ATG4B: variants seen among roughly 807,000 people sequenced by gnomAD.
ATG4B encodes the protein autophagy related 4B cysteine peptidase.
A neutral mutation model predicts 56.6 loss-of-function variants in ATG4B; 29 were observed. The observed-to-expected ratio is 0.51, with a 90% confidence interval of 0.38 to 0.70. The LOEUF (loss-of-function observed/expected upper bound fraction) is 0.70, where lower values mean the gene tolerates loss of function less well. ATG4B is among the 30% of genes least tolerant of loss of function. ATG4B has a pLI of 0.00. For synonymous variants in ATG4B, 224 were observed against 206.1 expected, an observed-to-expected ratio of 1.09 and a Z score of -0.74; for missense variants, 461 against 515.5, an observed-to-expected ratio of 0.89 and a Z score of 1.02.
intron 4 of ATG4B, 37 bp downstream of exon 4, chr2:241,653,647 T>G: frequency 1.3e-6 from 2 of 1,546,512 alleles, no homozygotes; most frequent in South Asian, 2.4e-5. Flanking sequence ...ATGGCCACGG[T>G]GTTCTCAGGA....
In ATG4B at chr2:241,651,234, T is replaced by C; in HGVS notation, c.113-30T>C. The C allele has an allele frequency of 1.3e-6, 2 of 1,575,440 alleles. No individual in the cohort carries two copies. Among genetic ancestry groups the C allele is most frequent in the Non-Finnish European group, 1.7e-6 (2 of 1,157,626 alleles). On this transcript the variant is annotated intron_variant, in intron 2 of 12. Transcript: ENST00000404914. The surrounding 1 kb of genome is among the most constrained non-coding windows in gnomAD (Gnocchi z 4.1). ...TTGCAAACTTAAGGCGTTGTGTGTGTGTGTTTTTTTTCTTTTAAACAACCT... is the reference window on the plus strand; with the variant it reads ...TTGCAAACTTAAGGCGTTGTGTGTGCGTGTTTTTTTTCTTTTAAACAACCT...
chr2:241,668,520 C>G lies in ATG4B; in HGVS notation c.812-20C>G. On this transcript the variant is annotated intron_variant, in intron 9 of 12. Transcript: ENST00000404914. The surrounding 1 kb of genome is among the most constrained non-coding windows in gnomAD (Gnocchi z 4.2). Reference sequence around the variant, plus strand: ...CTGCCGGCTCGGCCACCCACCTGCCCACCTGCCTCATCCTCCCAGGTGAGG... The same window carrying G: ...CTGCCGGCTCGGCCACCCACCTGCCGACCTGCCTCATCCTCCCAGGTGAGG... 2 of 1,604,368 alleles carry G rather than the reference C, an allele frequency of 1.2e-6. No individual in the cohort carries two copies. The highest frequency in any genetic ancestry group is 1.7e-6 in the Non-Finnish European group (2 of 1,178,376).
At chr2:241,653,355 A>G (rs1277050597) in intron 3 of ATG4B, 157 bp from the exon 4 acceptor site, 1 of 1,550,162 alleles carries the variant, frequency 6.5e-7, no homozygotes, top group African/African-American at 1.4e-5. Flanking sequence ...CCTTGGCGTT[A>G]CTGAGTCCTA....
intron 7 of ATG4B, among the ~76,000 whole-genome samples, chr2:241,664,179 A>G (rs2068687245): frequency 6.6e-6 from 1 of 152,128 alleles, no homozygotes; most frequent in African/African-American, 2.4e-5. Context: ...ACTAACACAT[A>G]CTAGAACTGG....
At chr2:241,653,110 C>T (rs192850811) in intron 3 of ATG4B, among the ~76,000 whole-genome samples, 4 of 152,394 alleles carry the variant, frequency 2.6e-5, no homozygotes, top group African/African-American at 7.2e-5. Context: ...GCTGCCCTTG[C>T]GGCCCTTCCT....
At chr2:241,656,406 C>T (rs1313540252) in intron 6 of ATG4B, among the ~76,000 whole-genome samples, 1 of 152,112 alleles carries the variant, frequency 6.6e-6, no homozygotes. Flanking sequence ...TACTGCATGC[C>T]CTTCAGAGTC....
chr2:241,643,684 G>GTGTGTGTGTGTGTGTGTA (rs2067976436), intron 1 of ATG4B, among the ~76,000 whole-genome samples: 1 of 117,004 alleles, frequency 8.5e-6, no homozygotes, highest in African/African-American at 4.1e-5. Context: ...GTGTGTGTAT[G>GTGTGTGTGTGTGTGTGTA]TATATATTTT....
chr2:241,651,384 A>G lies in ATG4B; in HGVS notation c.184+49A>G. ...CGCGGGACAAAATATGTTTTTAGGAAGGAGGAAAACTTACGCTTGTAGATT... is the reference window on the plus strand; with the variant it reads ...CGCGGGACAAAATATGTTTTTAGGAGGGAGGAAAACTTACGCTTGTAGATT... On this transcript the variant is annotated intron_variant, in intron 3 of 12. Transcript: ENST00000404914. The surrounding 1 kb of genome is among the most constrained non-coding windows in gnomAD (Gnocchi z 4.1). 2.1e-6 allele frequency: 3 copies of G among 1,418,938 alleles called. No individual in the cohort carries two copies. The highest frequency in any genetic ancestry group is 2.9e-6 in the Non-Finnish European group (3 of 1,035,260). 87.9% of individuals were successfully genotyped at this position (1,418,938 alleles called of 1,614,324 possible).
At chr2:241,640,572 C>A (rs2067852611) in intron 1 of ATG4B, among the ~76,000 whole-genome samples, 1 of 152,158 alleles carries the variant, frequency 6.6e-6, no homozygotes. Flanking sequence ...AAACCATTGC[C>A]CTGGGGTAGC....
chr2:241,663,053 T>TTGTAAAA (rs2068639408), intron 7 of ATG4B, among the ~76,000 whole-genome samples: 1 of 151,826 alleles, frequency 6.6e-6, no homozygotes, highest in Admixed American at 6.6e-5. Context: ...CTGGTCAACA[T>TTGTAAAA]CGTAAAACCC....
chr2:241,665,358 C>T (rs1052148440), intron 7 of ATG4B, among the ~76,000 whole-genome samples: 2 of 152,214 alleles, frequency 1.3e-5, no homozygotes, highest in Admixed American at 6.5e-5. Context: ...CACCAGGGTC[C>T]GTCTTGGCCC....
rs1217338454 is a variant in ATG4B at position 241,673,714 on chromosome 2, G to A, written c.*1450G>A. On this transcript the variant is annotated 3_prime_UTR_variant, in exon 13 of 13. Transcript: ENST00000404914. ...GTGCGCCGCTGTGCTGGGAGCTGCA[G>A]TGGTAATGTGTGGGACACCTTGACC... is the stretch of plus-strand genomic sequence containing the variant. 1 of 455,726 alleles carries A rather than the reference G, an allele frequency of 2.2e-6. No individual in the cohort carries two copies. The highest frequency in any genetic ancestry group is 2.3e-5 in the Admixed American group (1 of 42,584). 28.2% of individuals were successfully genotyped at this position (455,726 alleles called of 1,614,324 possible). A position where few individuals can be genotyped will look rare whatever the true frequency, so the allele number is the denominator to read the frequency against.
chr2:241,669,570 C>T (rs558436558), intron 10 of ATG4B, among the ~76,000 whole-genome samples: 3 of 152,302 alleles, frequency 2.0e-5, no homozygotes, highest in South Asian at 4.1e-4. Flanking sequence ...TGCAGTGGCA[C>T]GATCTCGGCT....
intron 12 of ATG4B, 144 bp downstream of exon 12, chr2:241,671,549 C>A: frequency 6.5e-7 from 1 of 1,537,950 alleles, no homozygotes; most frequent in Non-Finnish European, 8.7e-7. Context: ...CCTGTGAGAC[C>A]AGGTATGGAG....
In ATG4B at chr2:241,670,708, A is replaced by G. The variant is rs745588462; in HGVS notation, c.958-18A>G. On this transcript the variant is annotated intron_variant, in intron 10 of 12. Coordinates refer to ENST00000404914, the MANE Select transcript of ATG4B (RefSeq NM_013325.5). ...CAGATGGGGGTGTCGTGTTCTGCTC[A>G]TCGTCATTTCGTTTTAGGGGTTTTT... 3 of 1,603,766 alleles carry G rather than the reference A, an allele frequency of 1.9e-6. No homozygotes were observed. The highest frequency in any genetic ancestry group is 2.6e-6 in the Non-Finnish European group (3 of 1,174,806).
intron 1 of ATG4B, among the ~76,000 whole-genome samples, chr2:241,643,663 C>CGTGTGTGTGTGTGTGTGT (rs369340875): frequency 7.4e-6 from 1 of 135,604 alleles, no homozygotes; most frequent in African/African-American, 2.9e-5. Flanking sequence ...TATATATATA[C>CGTGTGTGTGTGTGTGTGT]GTGTGTGTGT....
chr2:241,638,223 C>T (rs1164505187), intron 1 of ATG4B: 1 of 152,368 alleles, frequency 6.6e-6, no homozygotes, highest in Non-Finnish European at 1.5e-5. Context: ...GTGTTCATCA[C>T]AGTATACGTA....
Position 241,653,501 on chromosome 2 carries a change from T to C in ATG4B, c.185-11T>C. ...GGCCATGAGCACTTCTCTCTCTGTCTGCCACGACAGGGGGGACAGGCCCCA... is the reference window on the plus strand; with the variant it reads ...GGCCATGAGCACTTCTCTCTCTGTCCGCCACGACAGGGGGGACAGGCCCCA... On this transcript the variant is annotated splice_polypyrimidine_tract_variant and intron_variant, in intron 3 of 12. Transcript: ENST00000404914. 1.3e-6 allele frequency: 2 copies of C among 1,569,846 alleles called. No homozygotes were observed. The highest frequency in any genetic ancestry group is 1.7e-6 in the Non-Finnish European group (2 of 1,157,300).
chr2:241,643,693 T>G (rs1483891884), intron 1 of ATG4B, among the ~76,000 whole-genome samples: 4 of 108,098 alleles, frequency 3.7e-5, no homozygotes, highest in Non-Finnish European at 6.8e-5. Flanking sequence ...TGTATATATT[T>G]TCCCCCCCCC....
Sources: gnomAD v4.1 joint callset for allele counts (sites outside exome capture counted in the v4.1 genomes callset) on GRCh38, gnomAD v4.1.1 for gene constraint, Gnocchi (gnomAD v3.1) non-coding constraint, MANE v1.5 for transcripts, NCBI Gene and HGNC (gene_info 2026-07-23, HGNC 2026-07-21) for gene names.